The following LOC400499 variants were observed in gnomAD, a reference collection of about 807,000 sequenced individuals.
chr16:11,460,921 T>G, the LOC400499 span: 62 of 1,492,990 alleles, frequency 4.2e-5, no homozygotes, highest in East Asian at 1.4e-3. Flanking sequence ...GGGCAGGCCC[T>G]GCCACCTCCA....
chr16:11,451,833 C>T, the LOC400499 span, among the ~76,000 whole-genome samples: 3 of 152,238 alleles, frequency 2.0e-5, no homozygotes, highest in Admixed American at 1.3e-4. Flanking sequence ...GACACAGTGA[C>T]GGGAAGGAGG....
chr16:11,467,582 A>T, the LOC400499 span, among the ~76,000 whole-genome samples: 1 of 152,176 alleles, frequency 6.6e-6, no homozygotes, highest in Non-Finnish European at 1.5e-5. Flanking sequence ...TCTGCACTCC[A>T]GCCTGAGTGA....
At chr16:11,425,333 A>C in the LOC400499 span, 1 of 399,186 alleles carries the variant, frequency 2.5e-6, no homozygotes, top group South Asian at 1.3e-4. Flanking sequence ...GGGCAAGGAC[A>C]CAGGTCACGC....
At chr16:11,413,869 C>T in the LOC400499 span, among the ~76,000 whole-genome samples, 1 of 152,140 alleles carries the variant, frequency 6.6e-6, no homozygotes, top group Non-Finnish European at 1.5e-5. Context: ...AGGGCACAGA[C>T]AGGTGAAGGA....
the LOC400499 span, among the ~76,000 whole-genome samples, chr16:11,511,586 C>T: frequency 3.3e-5 from 5 of 152,294 alleles, no homozygotes; most frequent in East Asian, 1.9e-4. Context: ...AAAAGCTAGA[C>T]ACAAAAGGGC....
At chr16:11,398,178 AGAG>A in the LOC400499 span, among the ~76,000 whole-genome samples, 6 of 152,158 alleles carry the variant, frequency 3.9e-5, no homozygotes, top group South Asian at 1.0e-3. Flanking sequence ...AGAGGCTCAG[AGAG>A]GAGATGTGCA....
At chr16:11,503,414 C>T in the LOC400499 span, among the ~76,000 whole-genome samples, 2 of 152,172 alleles carry the variant, frequency 1.3e-5, no homozygotes, top group African/African-American at 2.4e-5. Context: ...AGGCTCACTG[C>T]ATTGGCCTGA....
At chr16:11,505,546 C>G in the LOC400499 span, among the ~76,000 whole-genome samples, 1 of 144,800 alleles carries the variant, frequency 6.9e-6, no homozygotes, top group Non-Finnish European at 1.5e-5. Flanking sequence ...CTTAACCTCC[C>G]AGGCTCAAGC....
chr16:11,429,313 G>A, the LOC400499 span, among the ~76,000 whole-genome samples: 28 of 152,210 alleles, frequency 1.8e-4, 1 homozygote, highest in South Asian at 5.4e-3. Flanking sequence ...CGTGCTGGCA[G>A]AGGAGAAGAT....
the LOC400499 span, among the ~76,000 whole-genome samples, chr16:11,497,621 G>T: frequency 6.6e-6 from 1 of 152,318 alleles, no homozygotes; most frequent in Admixed American, 6.5e-5. Context: ...CTGGCAGAGA[G>T]CCCAGATCTG....
At chr16:11,396,270 G>A in the LOC400499 span, 2 of 364,562 alleles carry the variant, frequency 5.5e-6, no homozygotes, top group Non-Finnish European at 4.8e-6. Context: ...GAAGGGCCGG[G>A]TGTTGGGACT....
chr16:11,518,077 G>A, the LOC400499 span, among the ~76,000 whole-genome samples: 2 of 152,284 alleles, frequency 1.3e-5, no homozygotes, highest in South Asian at 4.1e-4. Context: ...GCAAGTGGCA[G>A]TGTGGCCTCC....
At chr16:11,509,761 G>A in the LOC400499 span, among the ~76,000 whole-genome samples, 19 of 152,196 alleles carry the variant, frequency 1.2e-4, no homozygotes, top group Non-Finnish European at 1.9e-4. Flanking sequence ...AACCTGGGAG[G>A]CTGAGGTTGC....
At chr16:11,408,052 G>A in the LOC400499 span, among the ~76,000 whole-genome samples, 2 of 140,914 alleles carry the variant, frequency 1.4e-5, no homozygotes, top group Admixed American at 1.5e-4. Flanking sequence ...GCACGATCTC[G>A]GCTCACTGCA....
At chr16:11,525,409 T>A in the LOC400499 span, among the ~76,000 whole-genome samples, 5 of 152,074 alleles carry the variant, frequency 3.3e-5, no homozygotes, top group Admixed American at 3.3e-4. Context: ...TGGTAAGATA[T>A]CTGGCAGGGT....
At chr16:11,441,394 C>A in the LOC400499 span, among the ~76,000 whole-genome samples, 1 of 152,148 alleles carries the variant, frequency 6.6e-6, no homozygotes, top group Non-Finnish European at 1.5e-5. Flanking sequence ...CAGGTCCTGG[C>A]ATGTAGTAGG....
chr16:11,439,185 C>A, the LOC400499 span, among the ~76,000 whole-genome samples: 1 of 152,172 alleles, frequency 6.6e-6, no homozygotes. Flanking sequence ...TGGCTTCTCC[C>A]AAGCCCAAAT....
chr16:11,421,016 C>T, the LOC400499 span, among the ~76,000 whole-genome samples: 1 of 152,138 alleles, frequency 6.6e-6, no homozygotes, highest in Non-Finnish European at 1.5e-5. Context: ...TGCTGGCCAC[C>T]TCTGCCAAAC....
the LOC400499 span, among the ~76,000 whole-genome samples, chr16:11,498,523 T>G: frequency 5.8e-3 from 693 of 119,892 alleles, 3 homozygotes; most frequent in Non-Finnish European, 6.7e-3. Flanking sequence ...ATAAATAAAA[T>G]TAATCCGAAA....
Sources: allele counts gnomAD v4.1 joint callset (sites outside exome capture counted in the v4.1 genomes callset), GRCh38; gene constraint gnomAD v4.1.1; transcripts MANE v1.5.